RAD51B: variants seen among roughly 807,000 people sequenced by gnomAD.
RAD51B encodes the protein RAD51 paralog B.
Under a neutral mutation model 42.2 loss-of-function variants are expected in RAD51B, and 38 were observed. The ratio of observed to expected loss-of-function variants is 0.90; its 90% confidence interval spans 0.70 to 1.18. The LOEUF (loss-of-function observed/expected upper bound fraction) is 1.18, where lower values mean the gene tolerates loss of function less well. RAD51B is among the 50% of genes most tolerant of loss of function. RAD51B has a pLI of 0.00. For missense variants in RAD51B, 373 were observed against 400.7 expected (o/e 0.93, Z 0.59); for synonymous variants, 154 against 145.2 (o/e 1.06, Z -0.43).
At chr14:68,251,821 A>G (rs1452890695) in intron 7 of RAD51B, among the ~76,000 whole-genome samples, 4 of 152,218 alleles carry the variant, frequency 2.6e-5, no homozygotes, top group Non-Finnish European at 5.9e-5. Flanking sequence ...ACATGCTAAT[A>G]CAGTTATGTA....
intron 10 of RAD51B, among the ~76,000 whole-genome samples, chr14:68,625,717 TG>T (rs1223081772): frequency 1.3e-5 from 2 of 152,202 alleles, no homozygotes; most frequent in Non-Finnish European, 2.9e-5. Context: ...GATGGGCAGA[TG>T]GGGGAGGTCT....
intron 7 of RAD51B, among the ~76,000 whole-genome samples, chr14:68,178,532 G>A (rs1196323888): frequency 1.3e-5 from 2 of 152,142 alleles, no homozygotes; most frequent in South Asian, 2.1e-4. Flanking sequence ...TGGGCTATGC[G>A]TATCCTGTTG....
At chr14:68,044,730 A>G (rs757059012) in intron 7 of RAD51B, among the ~76,000 whole-genome samples, 6 of 151,882 alleles carry the variant, frequency 4.0e-5, no homozygotes, top group African/African-American at 1.5e-4. Flanking sequence ...TTCTCTCTCT[A>G]TACCCCTCTT....
At chr14:68,403,168 T>A (rs562432552) in intron 8 of RAD51B, among the ~76,000 whole-genome samples, 3 of 152,330 alleles carry the variant, frequency 2.0e-5, no homozygotes, top group African/African-American at 4.8e-5. Context: ...TTTATTTTTT[T>A]AAATTTCCTC....
chr14:68,263,073 G>A (rs190606293), intron 7 of RAD51B, among the ~76,000 whole-genome samples: 6 of 152,184 alleles, frequency 3.9e-5, no homozygotes, highest in South Asian at 2.1e-4. Context: ...GTAGCTGTTC[G>A]TCTTTTGAGC....
chr14:68,679,248 T>G (rs1473979147), intron 11 of RAD51B, among the ~76,000 whole-genome samples: 1 of 152,040 alleles, frequency 6.6e-6, no homozygotes, highest in Non-Finnish European at 1.5e-5. Context: ...TCCTCCCCAT[T>G]TTGTAAGTTT....
intron 8 of RAD51B, among the ~76,000 whole-genome samples, chr14:68,376,910 G>A (rs1284093673): frequency 1.3e-5 from 2 of 152,128 alleles, no homozygotes; most frequent in Non-Finnish European, 2.9e-5. Context: ...TGCTTCAGTC[G>A]TTATGTGGGA....
rs1023592698 is a variant in RAD51B at position 67,943,084 on chromosome 14, A to C, written c.756+55880A>C. ...CTAAGTAATAGATTTAAATATATTA[A>C]ATATATTAAATGAAATATAAAGTAG... On this transcript the variant is annotated intron_variant, in intron 7 of 10. Transcript: ENST00000471583. 5.3e-5 allele frequency among the ~76,000 whole-genome samples: 8 copies of C among 151,782 alleles called. No homozygotes were observed. The South Asian group carries it at 8.3e-4, about 16-fold the overall frequency.
chr14:68,482,863 G>T (rs755360763), downstream of RAD51B, among the ~76,000 whole-genome samples: 1 of 152,176 alleles, frequency 6.6e-6, no homozygotes, highest in Admixed American at 6.5e-5. Flanking sequence ...CATAAGTCAG[G>T]ACACATTTGG....
At chr14:67,964,567 C>A (rs960473144) in intron 7 of RAD51B, among the ~76,000 whole-genome samples, 1 of 152,168 alleles carries the variant, frequency 6.6e-6, no homozygotes, top group Non-Finnish European at 1.5e-5. Context: ...ATGGTGCTTT[C>A]TTTTTCTGTA....
chr14:68,552,911 T>C (rs1888650654), intron 10 of RAD51B, among the ~76,000 whole-genome samples: 1 of 152,200 alleles, frequency 6.6e-6, no homozygotes, highest in Non-Finnish European at 1.5e-5. Flanking sequence ...GAAATGATAT[T>C]GTTAATATTT....
intron 4 of RAD51B, among the ~76,000 whole-genome samples, chr14:67,843,936 A>G (rs1380582835): frequency 6.6e-6 from 1 of 151,246 alleles, no homozygotes; most frequent in Non-Finnish European, 1.5e-5. Flanking sequence ...TCTAGGTTAG[A>G]TGTTAGGTTA....
intron 7 of RAD51B, among the ~76,000 whole-genome samples, chr14:68,109,059 C>T (rs1456395227): frequency 6.6e-6 from 1 of 151,888 alleles, no homozygotes; most frequent in South Asian, 2.1e-4. Context: ...TTTTTAAAAA[C>T]TTAATGTTAT....
intron 7 of RAD51B, among the ~76,000 whole-genome samples, chr14:67,976,381 A>G (rs1223695925): frequency 1.3e-5 from 2 of 151,986 alleles, no homozygotes; most frequent in Non-Finnish European, 2.9e-5. Context: ...GCCTCCCAGC[A>G]TGCTGGAATT....
At chr14:67,923,914 C>T (rs2044416450) in intron 7 of RAD51B, among the ~76,000 whole-genome samples, 1 of 152,144 alleles carries the variant, frequency 6.6e-6, no homozygotes. Flanking sequence ...TAAATTATGG[C>T]CATTCTTGCA....
intron 4 of RAD51B, among the ~76,000 whole-genome samples, chr14:67,851,061 T>A (rs141469024): frequency 6.6e-6 from 1 of 152,282 alleles, no homozygotes; most frequent in East Asian, 1.9e-4. Context: ...TCTTCTTCAT[T>A]TAAGAGCGGG....
At chr14:67,833,340 C>T (rs144981292) in intron 3 of RAD51B, among the ~76,000 whole-genome samples, 1,535 of 152,274 alleles carry the variant, frequency 0.01, 14 homozygotes, top group South Asian at 0.027. Flanking sequence ...CGCATCACTG[C>T]ACTCCAGCCT....
chr14:68,447,888 A>G (rs1393367782), intron 9 of RAD51B, among the ~76,000 whole-genome samples: 1 of 152,220 alleles, frequency 6.6e-6, no homozygotes, highest in African/African-American at 2.4e-5. Flanking sequence ...CAAATAAGTA[A>G]CTAAGATGAA....
intron 10 of RAD51B, among the ~76,000 whole-genome samples, chr14:68,630,782 C>A (rs977093551): frequency 6.6e-6 from 1 of 152,162 alleles, no homozygotes; most frequent in Non-Finnish European, 1.5e-5. Context: ...CTTGAACCAA[C>A]CCCTGGTTTC....
Sources: allele counts gnomAD v4.1 joint callset (sites outside exome capture counted in the v4.1 genomes callset), GRCh38; gene constraint gnomAD v4.1.1; transcripts MANE v1.5; gene names NCBI Gene and HGNC (gene_info 2026-07-23, HGNC 2026-07-21).